RASIP1: variants seen among roughly 807,000 people sequenced by gnomAD.
RASIP1 encodes the protein ras-interacting protein 1.
RASIP1 carries 20 observed loss-of-function variants against 85.3 expected under a neutral mutation model. The observed-to-expected ratio is 0.23, with a 90% CI of 0.17 to 0.34. RASIP1 has a LOEUF of 0.34. RASIP1 is among the 10% of genes least tolerant of loss of function. RASIP1 has a pLI of 1.00. For synonymous variants in RASIP1, 617 were observed against 647.1 expected, an observed-to-expected ratio of 0.95 and a Z score of 0.71; for missense variants, 1,170 against 1,390.9, an observed-to-expected ratio of 0.84 and a Z score of 2.53.
At chr19:48,733,228 T>C (rs1007349688) in intron 4 of RASIP1, among the ~76,000 whole-genome samples, 2 of 152,206 alleles carry the variant, frequency 1.3e-5, no homozygotes, top group Non-Finnish European at 2.9e-5. Context: ...GATTTCACTG[T>C]TGCCCAGGCT....
intron 3 of RASIP1, among the ~76,000 whole-genome samples, chr19:48,735,994 C>T (rs953697107): frequency 1.3e-5 from 2 of 151,548 alleles, no homozygotes; most frequent in Admixed American, 1.3e-4. Flanking sequence ...TGGGTTTTCA[C>T]CATGTTGGCC....
rs974588927 is a variant in RASIP1, at chr19:48,740,587, G to C, written c.-71C>G. 7.2e-7 allele frequency: 1 copy of C among 1,389,804 alleles called. No homozygotes were observed. The highest frequency in any genetic ancestry group is 9.3e-7 in the Non-Finnish European group (1 of 1,075,058). The allele number at this position is 1,389,804 out of a possible 1,614,324, so 86.1% of individuals were successfully genotyped here. ...GGCCTGGGTCAGTTCCACTGCTCTT[G>C]CCTCTGCCACGGCTCCCAGCACTGG... On this transcript the variant is annotated 5_prime_UTR_variant, in exon 1 of 12. Coordinates refer to ENST00000222145, the MANE Select transcript of RASIP1 (RefSeq NM_017805.3). This position sits in a 1 kb window ranked among gnomAD's most constrained non-coding sequence, Gnocchi z 5.5.
At position 48,740,463 on chromosome 19, in the gene RASIP1, G is replaced by A; in HGVS notation, c.-5+58C>T. The A allele has an allele frequency of 7.2e-7, 1 of 1,397,186 alleles. No individual in the cohort carries two copies. The highest frequency in any genetic ancestry group is 1.6e-5 in the South Asian group (1 of 61,588). 86.5% of individuals were successfully genotyped at this position (1,397,186 alleles called of 1,614,324 possible). A position where few individuals can be genotyped will look rare whatever the true frequency, so the allele number is the denominator to read the frequency against. On this transcript the variant is annotated intron_variant, in intron 1 of 11. Coordinates refer to ENST00000222145, the MANE Select transcript of RASIP1 (RefSeq NM_017805.3). This position sits in a 1 kb window ranked among gnomAD's most constrained non-coding sequence, Gnocchi z 5.5. ...GTCCTGGGATGGAAGATGGCTGGGG[G>A]ACTGAGTCTTGGGGCCCAGGGAGGA...
Position 48,724,819 on chromosome 19 carries a change from G to C in RASIP1, c.2269C>G (p.Leu757Val). The change falls in exon 9 of 12, where the codon CTG becomes GTG. Residue 757 changes from leucine to valine, a missense_variant. Transcript: ENST00000222145. This position sits in a 1 kb window ranked among gnomAD's most constrained non-coding sequence, Gnocchi z 4.6. The stretch of plus-strand genomic sequence containing the variant: ...GGGTGCAGCTCGCACTGGCTGGTCA[G>C]CTCCAAGGCTGCCTGGAACACGCCC... ...TLGVFQAALELTSQCELHPDL... is the reference protein window; with the variant it reads ...TLGVFQAALEVTSQCELHPDL... 1 of 1,614,246 alleles carries C rather than the reference G, an allele frequency of 6.2e-7. No homozygotes were observed. The highest frequency in any genetic ancestry group is 8.5e-7 in the Non-Finnish European group (1 of 1,180,046).
chr19:48,739,486 C>G lies in RASIP1; in HGVS notation c.297G>C (p.Gly99=). The change falls in exon 3 of 12, where the codon GGG becomes GGC. Residue 99 remains glycine (G), a synonymous_variant. Coordinates refer to ENST00000222145, the MANE Select transcript of RASIP1 (RefSeq NM_017805.3). This position sits in a 1 kb window ranked among gnomAD's most constrained non-coding sequence, Gnocchi z 9.2. ...ISQLFRGSGT[G]TTGSSGAGGP... ...CTCCTGCGCCGCTGGACCCCGTGGTCCCGGTCCCCGAGCCCCGGAAGAGCT... is the reference window on the plus strand; with the variant it reads ...CTCCTGCGCCGCTGGACCCCGTGGTGCCGGTCCCCGAGCCCCGGAAGAGCT... 1 of 1,505,762 alleles carries G rather than the reference C, an allele frequency of 6.6e-7. No individual in the cohort carries two copies. Among genetic ancestry groups the G allele is most frequent in the Non-Finnish European group, 8.8e-7 (1 of 1,133,414 alleles). 93.3% of individuals were successfully genotyped at this position (1,505,762 alleles called of 1,614,324 possible).
chr19:48,730,305 A>G (rs1377136068), intron 4 of RASIP1, among the ~76,000 whole-genome samples: 2 of 151,986 alleles, frequency 1.3e-5, no homozygotes, highest in Middle Eastern at 3.2e-3. Context: ...AGTTGAGACT[A>G]CAGGCGCGCA....
chr19:48,735,547 G>A lies in RASIP1; in HGVS notation c.828C>T (p.Thr276=), dbSNP rs2122473331. The change falls in exon 4 of 12, where the codon ACC becomes ACT. Residue 276 remains threonine (T), a synonymous_variant. Coordinates refer to ENST00000222145, the MANE Select transcript of RASIP1 (RefSeq NM_017805.3). ...EAFGAADSEG[T]GAPSWRPQKN... Reference sequence around the variant, plus strand: ...TCTGTGGCCGCCACGAAGGGGCGCCGGTGCCTGCGGAGAGATGGAGAACAG... The same window carrying A: ...TCTGTGGCCGCCACGAAGGGGCGCCAGTGCCTGCGGAGAGATGGAGAACAG... 2.0e-6 allele frequency: 3 copies of A among 1,534,450 alleles called. No individual in the cohort carries two copies. The highest frequency in any genetic ancestry group is 1.8e-6 in the Non-Finnish European group (2 of 1,138,860).
intron 4 of RASIP1, among the ~76,000 whole-genome samples, chr19:48,732,663 C>A (rs1461633199): frequency 6.6e-6 from 1 of 152,132 alleles, no homozygotes; most frequent in Non-Finnish European, 1.5e-5. Flanking sequence ...CCAAAAGAGA[C>A]CTTCGTGTTC....
In RASIP1 at chr19:48,738,491, A is replaced by G. The variant is rs1381411186; in HGVS notation, c.823+469T>C. 1 of 153,528 alleles carries G rather than the reference A, an allele frequency of 6.5e-6. No homozygotes were observed. The highest frequency in any genetic ancestry group is 6.5e-5 in the Admixed American group (1 of 15,316). The allele number at this position is 153,528 out of a possible 1,614,324, so 9.5% of individuals were successfully genotyped here. On this transcript the variant is annotated intron_variant, in intron 3 of 11. Coordinates refer to ENST00000222145, the MANE Select transcript of RASIP1 (RefSeq NM_017805.3). This position sits in a 1 kb window ranked among gnomAD's most constrained non-coding sequence, Gnocchi z 4.0. ...GCTAGTGTCCTCTAACCTACCACAC[A>G]GGGCGAATCCCTTAGGCCCCTGCGG...
At chr19:48,734,390 G>T (rs1402496757) in intron 4 of RASIP1, among the ~76,000 whole-genome samples, 1 of 151,814 alleles carries the variant, frequency 6.6e-6, no homozygotes, top group African/African-American at 2.4e-5. Context: ...CATAGCTCAC[G>T]GAAGCCTCGA....
intron 10 of RASIP1, 119 bp from the exon 11 acceptor site, chr19:48,722,120 C>T (rs536243815): frequency 7.2e-4 from 702 of 980,026 alleles, no homozygotes; most frequent in Non-Finnish European, 8.5e-4. Context: ...TCTGCAGTGT[C>T]TTCTGGGCAC....
rs1291845947 is a variant in RASIP1, at chr19:48,724,685, T to C, written c.2371+32A>G. On this transcript the variant is annotated intron_variant, in intron 9 of 11. Coordinates refer to ENST00000222145, the MANE Select transcript of RASIP1 (RefSeq NM_017805.3). The surrounding 1 kb of genome is among the most constrained non-coding windows in gnomAD (Gnocchi z 4.6). ...CCTGAGTCTCAGTGGCTCCTGTCTT[T>C]GCCTCCCTGACAGCTCCCAGCCAAC... is the stretch of plus-strand genomic sequence containing the variant. 6.2e-6 allele frequency: 10 copies of C among 1,612,572 alleles called. No homozygotes were observed. The Admixed American group carries it at 1.3e-4, about 22-fold the overall frequency.
chr19:48,737,192 C>T (rs957762645), intron 3 of RASIP1, among the ~76,000 whole-genome samples: 7 of 152,068 alleles, frequency 4.6e-5, no homozygotes, highest in African/African-American at 1.7e-4. Context: ...TGTGCTAGGC[C>T]CTTTATATAC....
At position 48,740,478 on chromosome 19, in the gene RASIP1, C is replaced by A. The variant is rs1300269404; in HGVS notation, c.-5+43G>T. On this transcript the variant is annotated intron_variant, in intron 1 of 11. Transcript: ENST00000222145. This position sits in a 1 kb window ranked among gnomAD's most constrained non-coding sequence, Gnocchi z 5.5. Reference sequence around the variant, plus strand: ...ATGGCTGGGGGACTGAGTCTTGGGGCCCAGGGAGGAGGGGTTTGGGCTGCT... The same window carrying A: ...ATGGCTGGGGGACTGAGTCTTGGGGACCAGGGAGGAGGGGTTTGGGCTGCT... 2.9e-6 allele frequency: 4 copies of A among 1,400,456 alleles called. No homozygotes were observed. The highest frequency in any genetic ancestry group is 1.8e-6 in the Non-Finnish European group (2 of 1,084,806). 86.8% of individuals were successfully genotyped at this position (1,400,456 alleles called of 1,614,324 possible).
chr19:48,729,709 CTTTTTTTTT>C (rs35424254), intron 4 of RASIP1, 119 bp from the exon 5 acceptor site: 7 of 381,348 alleles, frequency 1.8e-5, no homozygotes, highest in South Asian at 4.8e-5. Flanking sequence ...CCTTCTTCTT[CTTTTTTTTT>C]TTTTTTTTTT....
At chr19:48,726,567 G>T (rs934532868) in intron 8 of RASIP1, among the ~76,000 whole-genome samples, 1 of 152,212 alleles carries the variant, frequency 6.6e-6, no homozygotes, top group African/African-American at 2.4e-5. Flanking sequence ...AAGGCAGGAA[G>T]TGATGTAAGC....
In RASIP1 at chr19:48,735,338, G is replaced by T. The variant is rs752513577; in HGVS notation, c.1037C>A (p.Ala346Glu). ...GGCTGCCCCTGGGGCCATGCTAAGT[G>T]CCTGCTGTCTCCGCTCCTGCTGCCG... ...RRRQQERRQQ[A>E]LSMAPGAADA... The change falls in exon 4 of 12, where the codon GCA becomes GAA. Residue 346 changes from alanine (A) to glutamate (E), a missense_variant. By Grantham distance (107) the Ala-to-Glu change is moderately radical. Around this residue, in one of 4 missense-constraint regions of RASIP1, gnomAD observed 301 missense variants for 294.8 expected, o/e 1.02. Transcript: ENST00000222145. 1 of 1,613,618 alleles carries T rather than the reference G, an allele frequency of 6.2e-7. No homozygotes were observed.
At chr19:48,732,399 G>A (rs1314808216) in intron 4 of RASIP1, among the ~76,000 whole-genome samples, 2 of 151,818 alleles carry the variant, frequency 1.3e-5, no homozygotes, top group Non-Finnish European at 1.5e-5. Flanking sequence ...GGGACTACAC[G>A]TGCCCGCCAC....
chr19:48,723,606 GTCCTACCTGATTCTGTTTCCTCA>G (rs1427580269), intron 10 of RASIP1, among the ~76,000 whole-genome samples: 1 of 150,006 alleles, frequency 6.7e-6, no homozygotes, highest in African/African-American at 2.5e-5. Flanking sequence ...CAAGCGACCT[GTCCTACCTGATTCTGTTTCCTCA>G]TCCAAAAAAC....
Sources: allele counts gnomAD v4.1 joint callset (sites outside exome capture counted in the v4.1 genomes callset), GRCh38; gene constraint gnomAD v4.1.1; regional missense constraint gnomAD v4.1.1; non-coding constraint Gnocchi (gnomAD v3.1); transcripts MANE v1.5; gene names NCBI Gene and HGNC (gene_info 2026-07-23, HGNC 2026-07-21).